Variants in SYNE2 observed in about 807,000 individuals in gnomAD.
SYNE2 encodes spectrin repeat containing nuclear envelope protein 2.
Under a neutral mutation model 856.3 loss-of-function variants are expected in SYNE2, and 431 were observed. That is an observed-to-expected ratio of 0.50 (90% CI 0.47 to 0.55). The LOEUF (loss-of-function observed/expected upper bound fraction) is 0.55, where lower values mean the gene tolerates loss of function less well. Ranked by LOEUF, SYNE2 falls within the 20% of genes least tolerant of loss-of-function variation. SYNE2 has a pLI of 0.00. For synonymous variants in SYNE2, 2,923 were observed against 2,872.3 expected, an observed-to-expected ratio of 1.02 and a Z score of -0.56; for missense variants, 8,129 against 8,023.2, an observed-to-expected ratio of 1.01 and a Z score of -0.50.
chr14:63,836,711 A>AC (rs1340101101), intron 1 of SYNE2, among the ~76,000 whole-genome samples: 1 of 152,154 alleles, frequency 6.6e-6, no homozygotes, highest in Non-Finnish European at 1.5e-5. Context: ...CAATGGCCTC[A>AC]CAGTGGATCT....
chr14:64,146,118 A>C lies in SYNE2; in HGVS notation c.15534A>C (p.Lys5178Asn). ...AAAGTATCACTGAGAGTGAAAATAA[A>C]ATACAGATCTTGAACAACTGGCTGG... is the stretch of plus-strand genomic sequence containing the variant. ...LLESITESEN[K>N]IQILNNWLEA... is the part of the protein sequence containing the mutation. Residue 5178 changes from lysine to asparagine, a missense_variant, in exon 84 of 116, where the codon AAA becomes AAC. This residue lies in a region of SYNE2 where 5,410 missense variants were observed against 5,284.8 expected (regional missense o/e 1.02). Transcript: ENST00000555002. The C allele has an allele frequency of 1.9e-6, 3 of 1,605,012 alleles. No individual in the cohort carries two copies. Among genetic ancestry groups the C allele is most frequent in the Non-Finnish European group, 2.6e-6 (3 of 1,174,554 alleles).
intron 85 of SYNE2, among the ~76,000 whole-genome samples, chr14:64,158,271 C>G (rs2098301425): frequency 6.6e-6 from 1 of 152,146 alleles, no homozygotes; most frequent in Non-Finnish European, 1.5e-5. Flanking sequence ...GAAACTGACT[C>G]TAGGGTCCAA....
chr14:63,936,079 T>C (rs2095828118), intron 2 of SYNE2, among the ~76,000 whole-genome samples: 1 of 152,190 alleles, frequency 6.6e-6, no homozygotes, highest in South Asian at 2.1e-4. Context: ...TTCACCATGT[T>C]GGCCACGCTG....
intron 87 of SYNE2, among the ~76,000 whole-genome samples, chr14:64,159,725 A>G (rs1171705101): frequency 6.6e-6 from 1 of 152,186 alleles, no homozygotes; most frequent in African/African-American, 2.4e-5. Flanking sequence ...GTCAAGTTCG[A>G]TCTCGGAAAC....
chr14:63,944,517 CTTTTTTTTTTTTTT>C (rs1188374243), intron 6 of SYNE2, among the ~76,000 whole-genome samples: 1 of 90,146 alleles, frequency 1.1e-5, no homozygotes, highest in Non-Finnish European at 2.2e-5. Flanking sequence ...TAAAGCCTTT[CTTTTTTTTTTTTTT>C]TTTTTTTTTT....
chr14:64,057,015 A>G (rs867578996), intron 49 of SYNE2, among the ~76,000 whole-genome samples: 3 of 151,958 alleles, frequency 2.0e-5, no homozygotes, highest in South Asian at 2.1e-4. Context: ...GTGAGTTTAT[A>G]GGTATATATA....
chr14:64,146,097 T>C lies in SYNE2; in HGVS notation c.15513T>C (p.Ser5171=). 6.3e-7 allele frequency: 1 copy of C among 1,593,060 alleles called. No homozygotes were observed. The highest frequency in any genetic ancestry group is 1.1e-5 in the South Asian group (1 of 88,910). Residue 5171 remains serine, a synonymous_variant, in exon 84 of 116, where the codon AGT becomes AGC. Transcript: ENST00000555002. ...AACATTTAGAACAACTTCTAGAAAG[T>C]ATCACTGAGAGTGAAAATAAAATAC... ...KIQHLEQLLE[S]ITESENKIQI... is the part of the protein sequence containing the mutation.
Position 64,143,875 on chromosome 14 carries a change from G to C in SYNE2, c.15410G>C (p.Arg5137Thr), listed in dbSNP as rs2098160753. ...GATGTAGAAAGCAAGCGCTATGAAA[G>C]AACGGAGTTTGCAGAGCACCTGGGG... ...TCDVESKRYE[R>T]TEFAEHLGEM... The change falls in exon 83 of 116, where the codon AGA (arginine) becomes ACA (threonine). Residue 5137 changes from arginine to threonine, a missense_variant. This residue lies in a region of SYNE2 where 5,410 missense variants were observed against 5,284.8 expected (regional missense o/e 1.02). Coordinates refer to ENST00000555002, the MANE Select transcript of SYNE2 (RefSeq NM_182914.3). 2 of 1,614,094 alleles carry C rather than the reference G, an allele frequency of 1.2e-6. No individual in the cohort carries two copies. The highest frequency in any genetic ancestry group is 1.7e-6 in the Non-Finnish European group (2 of 1,180,040).
chr14:64,219,124 T>TTTTTTAAA, intron 109 of SYNE2, 84 bp from the exon 110 acceptor site: 2 of 845,412 alleles, frequency 2.4e-6, no homozygotes, highest in Non-Finnish European at 3.6e-6. Flanking sequence ...TTTTTTTTTT[T>TTTTTTAAA]AACCACCCTG....
Position 64,007,172 on chromosome 14 carries a change from C to A in SYNE2, c.4527C>A (p.Cys1509Ter), listed in dbSNP as rs2153513198. Residue 1509 changes from cysteine (C) to a stop codon, truncating the protein, a stop_gained, in exon 31 of 116, where the codon TGC (cysteine) becomes TGA (stop). Coordinates refer to ENST00000555002, the MANE Select transcript of SYNE2 (RefSeq NM_182914.3). LOFTEE classifies it high-confidence loss of function. ...GAGAAAAAACCGTGAATCAACAGTG[C>A]CAAAATACAGTAGTCTTGTGGGAGA... ...DGREKTVNQQ[C>*]QNTVVLWENT... is the part of the protein sequence containing the mutation. 1 of 1,614,066 alleles carries A rather than the reference C, an allele frequency of 6.2e-7. No homozygotes were observed. The highest frequency in any genetic ancestry group is 1.1e-5 in the South Asian group (1 of 91,080).
At chr14:63,948,299 CATTTT>C (rs1045629937) in intron 6 of SYNE2, among the ~76,000 whole-genome samples, 2 of 151,956 alleles carry the variant, frequency 1.3e-5, no homozygotes, top group Non-Finnish European at 2.9e-5. Context: ...ATGAGTATAA[CATTTT>C]AATCTGTTCA....
chr14:64,188,255 G>T (rs1040305639), intron 97 of SYNE2, among the ~76,000 whole-genome samples: 1 of 152,180 alleles, frequency 6.6e-6, no homozygotes, highest in Admixed American at 6.5e-5. Flanking sequence ...AGCCTTTCCT[G>T]TTTCTAATTT....
rs2098254529 is a variant in SYNE2, at chr14:64,152,779, T to C, written c.15792+63T>C. ...CATATTCTTTTACCTTATTTGTCGT[T>C]GTAGTTGTTTTCGTCCTTTACTCAT... On this transcript the variant is annotated intron_variant, in intron 85 of 115. Transcript: ENST00000555002. The C allele has an allele frequency of 3.7e-6, 6 of 1,606,468 alleles. No homozygotes were observed. The South Asian group carries it at 5.5e-5, about 15-fold the overall frequency.
intron 64 of SYNE2, among the ~76,000 whole-genome samples, chr14:64,106,104 C>T (rs1487263386): frequency 2.7e-5 from 4 of 149,730 alleles, no homozygotes; most frequent in Non-Finnish European, 5.9e-5. Context: ...AATATTTCTC[C>T]TAGGTATACA....
chr14:64,136,881 T>C (rs911408706), intron 78 of SYNE2, among the ~76,000 whole-genome samples: 5 of 152,174 alleles, frequency 3.3e-5, no homozygotes, highest in African/African-American at 1.2e-4. Context: ...GAAACCCTAC[T>C]GGCTCTGCAA....
intron 86 of SYNE2, among the ~76,000 whole-genome samples, 190 bp downstream of exon 86, chr14:64,158,985 A>C (rs2098307782): frequency 6.6e-6 from 1 of 152,182 alleles, no homozygotes; most frequent in East Asian, 1.9e-4. Flanking sequence ...AAACATTGTA[A>C]AATGTTTGAA....
At position 64,225,597 on chromosome 14, in the gene SYNE2, C is replaced by G; in HGVS notation, c.*71C>G. On this transcript the variant is annotated 3_prime_UTR_variant, in exon 116 of 116. Coordinates refer to ENST00000555002, the MANE Select transcript of SYNE2 (RefSeq NM_182914.3). Reference sequence around the variant, plus strand: ...GGGTGCCCAGCACGTGGCCCCAGACCAATCTGAGTGACTTAGTGTTGGCAA... The same window carrying G: ...GGGTGCCCAGCACGTGGCCCCAGACGAATCTGAGTGACTTAGTGTTGGCAA... 6.6e-7 allele frequency: 1 copy of G among 1,507,704 alleles called. No homozygotes were observed. The highest frequency in any genetic ancestry group is 9.1e-7 in the Non-Finnish European group (1 of 1,094,716). The allele number at this position is 1,507,704 out of a possible 1,614,324, so 93.4% of individuals were successfully genotyped here. A position where few individuals can be genotyped will look rare whatever the true frequency, so the allele number is the denominator to read the frequency against.
intron 89 of SYNE2, among the ~76,000 whole-genome samples, chr14:64,164,657 A>G (rs2098360179): frequency 6.6e-6 from 1 of 152,130 alleles, no homozygotes; most frequent in African/African-American, 2.4e-5. Context: ...ACAAACAAAC[A>G]AAAAAGCACA....
At chr14:64,002,208 T>G in intron 29 of SYNE2, 127 bp downstream of exon 29, 1 of 857,262 alleles carries the variant, frequency 1.2e-6, no homozygotes, top group Non-Finnish European at 1.8e-6. Context: ...CAGTTTTTTT[T>G]TCAGTAATTT....
Sources: allele counts gnomAD v4.1 joint callset (sites outside exome capture counted in the v4.1 genomes callset), GRCh38; gene constraint gnomAD v4.1.1; regional missense constraint gnomAD v4.1.1; transcripts MANE v1.5; gene names NCBI Gene and HGNC (gene_info 2026-07-23, HGNC 2026-07-21).